ACCS: variants seen among roughly 807,000 people sequenced by gnomAD.
The protein encoded by ACCS is 1-aminocyclopropane-1-carboxylate synthase homolog (inactive).
ACCS carries 42 observed loss-of-function variants against 59.8 expected under a neutral mutation model. The ratio of observed to expected loss-of-function variants is 0.70; its 90% CI spans 0.55 to 0.91. The LOEUF (loss-of-function observed/expected upper bound fraction) is 0.91. Ranked by LOEUF, ACCS falls within the 40% of genes least tolerant of loss-of-function variation. ACCS has a pLI of 0.00. For missense variants in ACCS, 602 were observed against 630.4 expected, an observed-to-expected ratio of 0.95 and a Z score of 0.48; for synonymous variants, 230 against 240.3, an observed-to-expected ratio of 0.96 and a Z score of 0.40.
At chr11:44,070,204 C>G (rs528842165) in intron 2 of ACCS, among the ~76,000 whole-genome samples, 3 of 152,234 alleles carry the variant, frequency 2.0e-5, no homozygotes, top group Non-Finnish European at 4.4e-5. Context: ...AAAGGAGGAG[C>G]AGTGTGGTCT....
intron 4 of ACCS, 38 bp from the exon 5 acceptor site, chr11:44,074,574 A>C: frequency 6.4e-7 from 1 of 1,556,612 alleles, no homozygotes; most frequent in South Asian, 1.1e-5. Flanking sequence ...TGGGTTGGGG[A>C]CCATCTGGCA....
chr11:44,081,843 A>G (rs1371923438), intron 12 of ACCS, among the ~76,000 whole-genome samples: 1 of 152,190 alleles, frequency 6.6e-6, no homozygotes, highest in African/African-American at 2.4e-5. Context: ...TTTAACAACA[A>G]CAAAAAACAG....
At position 44,081,104 on chromosome 11, in the gene ACCS, G is replaced by A. The variant is rs370974035; in HGVS notation, c.969+39G>A. 3.5e-5 allele frequency: 56 copies of A among 1,614,082 alleles called. No homozygotes were observed. In the African/African-American group the frequency reaches 7.1e-4, roughly 20 times the overall value. On this transcript the variant is annotated intron_variant, in intron 11 of 14. Coordinates refer to ENST00000263776, the MANE Select transcript of ACCS (RefSeq NM_032592.4). ...TGGCCTTGGGGGTGTCAGAAGGGTGGGAGGGCAGAGAGGTGGGTGGAACCA... is the reference window on the plus strand; with the variant it reads ...TGGCCTTGGGGGTGTCAGAAGGGTGAGAGGGCAGAGAGGTGGGTGGAACCA...
At position 44,076,612 on chromosome 11, in the gene ACCS, T is replaced by G. The variant is rs190959300; in HGVS notation, c.557-667T>G. Among the ~76,000 whole-genome samples the G allele has an allele frequency of 1.1e-4, 16 of 152,370 alleles. No individual in the cohort carries two copies. In the East Asian group the frequency reaches 2.3e-3, roughly 22 times the overall value. ...GTCTATAAAGTTAGGATATAATAAA[T>G]AGTACCTCCTTCGGAGACTAATTGT... On this transcript the variant is annotated intron_variant, in intron 6 of 14. Transcript: ENST00000263776.
intron 4 of ACCS, among the ~76,000 whole-genome samples, chr11:44,073,868 G>A (rs1424686654): frequency 6.6e-6 from 1 of 152,196 alleles, no homozygotes; most frequent in Non-Finnish European, 1.5e-5. Context: ...TTGCTTTGAT[G>A]GTAGCTTTAG....
chr11:44,081,087 G>C, intron 11 of ACCS, 22 bp downstream of exon 11: 1 of 1,614,172 alleles, frequency 6.2e-7, no homozygotes, highest in Non-Finnish European at 8.5e-7. Context: ...GCTGGCCTTG[G>C]GGGTGTCAGA....
Position 44,079,705 on chromosome 11 carries a change from T to C in ACCS, c.923+85T>C, listed in dbSNP as rs77391630. 2,847 of 1,248,650 alleles carry C rather than the reference T, an allele frequency of 2.3e-3. 61 individuals are homozygous for C. In the East Asian group the frequency reaches 0.043, roughly 19 times the overall value. The allele number at this position is 1,248,650 out of a possible 1,614,324, so 77.3% of individuals were successfully genotyped here. On this transcript the variant is annotated intron_variant, in intron 10 of 14. Coordinates refer to ENST00000263776, the MANE Select transcript of ACCS (RefSeq NM_032592.4). ...ACTTTCTGGCTCAGCCCACAGGGCA[T>C]GGCCTGCCCAGAGCAATTCCATTTC...
chr11:44,082,681 G>T (rs1313319178), intron 12 of ACCS, among the ~76,000 whole-genome samples: 1 of 152,170 alleles, frequency 6.6e-6, no homozygotes, highest in African/African-American at 2.4e-5. Flanking sequence ...TCAGCATCCT[G>T]ACTATGGTGG....
In ACCS at chr11:44,076,942, A is replaced by G. The variant is rs1300727243; in HGVS notation, c.557-337A>G. ...GGGAACTCCCCTCTGTAAAACCATC[A>G]GATCTCGTGAGACTTAATTCCCTAT... On this transcript the variant is annotated intron_variant, in intron 6 of 14. Transcript: ENST00000263776. 2.0e-5 allele frequency among the ~76,000 whole-genome samples: 3 copies of G among 152,208 alleles called. 1 individual carries two copies. The highest frequency in any genetic ancestry group is 2.0e-4 in the Admixed American group (3 of 15,280).
At chr11:44,077,255 G>A in intron 6 of ACCS, 24 bp from the exon 7 acceptor site, 1 of 1,608,764 alleles carries the variant, frequency 6.2e-7, no homozygotes, top group Non-Finnish European at 8.5e-7. Context: ...AAAGTGACAG[G>A]CCCTCGCCCA....
chr11:44,079,009 C>G (rs1031207387), intron 9 of ACCS: 19 of 536,150 alleles, frequency 3.5e-5, no homozygotes, highest in African/African-American at 3.4e-4. Flanking sequence ...CTCTAGGGGC[C>G]AGGCACCATG....
intron 9 of ACCS, 111 bp downstream of exon 9, chr11:44,078,895 C>T: frequency 2.4e-6 from 2 of 840,132 alleles, no homozygotes; most frequent in Non-Finnish European, 1.9e-6. Flanking sequence ...CTGCTACTTG[C>T]TTGGGCCCTT....
intron 2 of ACCS, 42 bp from the exon 3 acceptor site, chr11:44,071,214 C>T (rs375840611): frequency 5.6e-6 from 9 of 1,608,404 alleles, no homozygotes; most frequent in African/African-American, 2.7e-5. Context: ...CACTGGCACC[C>T]CCCTGCCATG....
intron 7 of ACCS, 49 bp downstream of exon 7, chr11:44,077,425 G>GAGAGGA: frequency 1.2e-6 from 2 of 1,610,480 alleles, no homozygotes; most frequent in Non-Finnish European, 1.7e-6. Context: ...CTGTGGTCAA[G>GAGAGGA]AGTTTCCTGG....
At chr11:44,073,966 C>T (rs1459968424) in intron 4 of ACCS, among the ~76,000 whole-genome samples, 1 of 152,144 alleles carries the variant, frequency 6.6e-6, no homozygotes, top group African/African-American at 2.4e-5. Flanking sequence ...ATAGCTTGTG[C>T]TTATTGAACA....
Position 44,078,711 on chromosome 11 carries a change from A to T in ACCS, c.760A>T (p.Ile254Phe). The T allele has an allele frequency of 6.2e-7, 1 of 1,614,024 alleles. No homozygotes were observed. Among genetic ancestry groups the T allele is most frequent in the Non-Finnish European group, 8.5e-7 (1 of 1,179,984 alleles). The change falls in exon 9 of 15, where the codon ATC (isoleucine) becomes TTC (phenylalanine). Residue 254 changes from isoleucine (I) to phenylalanine (F), a missense_variant. Physicochemically the swap from Ile to Phe is conservative, Grantham distance 21. Transcript: ENST00000263776. ...EGVKVKGLIL[I>F]SPQNPLGDVY... ...TGTGAAGGTCAAAGGCCTCATCCTC[A>T]TCAGCCCCCAGAACCCTCTGGGTGA... is the stretch of plus-strand genomic sequence containing the variant.
chr11:44,080,822 T>C, intron 10 of ACCS, 198 bp from the exon 11 acceptor site: 1 of 618,278 alleles, frequency 1.6e-6, no homozygotes, highest in Non-Finnish European at 2.8e-6. Context: ...CAGCAGGCTA[T>C]GTTTGGCCCG....
intron 6 of ACCS, 118 bp from the exon 7 acceptor site, chr11:44,077,161 A>G (rs914927207): frequency 2.6e-6 from 3 of 1,134,212 alleles, no homozygotes; most frequent in Non-Finnish European, 3.7e-6. Flanking sequence ...GAGTGCAAGT[A>G]TGCCCCAAAC....
chr11:44,080,623 C>T (rs1287027636), intron 10 of ACCS: 1 of 215,306 alleles, frequency 4.6e-6, no homozygotes, highest in African/African-American at 2.3e-5. Flanking sequence ...GCACATCCAG[C>T]CATTGGATTA....
Sources: allele counts gnomAD v4.1 joint callset (sites outside exome capture counted in the v4.1 genomes callset), GRCh38; gene constraint gnomAD v4.1.1; transcripts MANE v1.5; gene names NCBI Gene and HGNC (gene_info 2026-07-23, HGNC 2026-07-21).